PDE12: variants seen among roughly 807,000 people sequenced by gnomAD.
The protein encoded by PDE12 is 2',5'-phosphodiesterase 12.
In PDE12, 26 loss-of-function variants were observed where a neutral mutation model predicts 45.4. That is an observed-to-expected ratio of 0.57 (90% CI 0.42 to 0.79). PDE12 has a LOEUF of 0.79. PDE12 is among the 30% of genes least tolerant of loss of function. The pLI is 0.00. For synonymous variants in PDE12, 283 were observed against 323.9 expected (o/e 0.87, Z 1.36); for missense variants, 668 against 790.0 (o/e 0.85, Z 1.85).
At chr3:57,596,054 G>A in the PDE12 span, among the ~76,000 whole-genome samples, 1 of 152,106 alleles carries the variant, frequency 6.6e-6, no homozygotes, top group Admixed American at 6.6e-5. Flanking sequence ...TTCTTTCAGC[G>A]TTATTCTAGT....
At chr3:57,649,497 CTACTGGGTAT>C in the PDE12 span, among the ~76,000 whole-genome samples, 2 of 147,586 alleles carry the variant, frequency 1.4e-5, no homozygotes, top group South Asian at 4.3e-4. Flanking sequence ...AGCAATCCCA[CTACTGGGTAT>C]CTACCCAGAG....
At chr3:57,645,643 G>C in the PDE12 span, 1 of 1,573,412 alleles carries the variant, frequency 6.4e-7, no homozygotes, top group Non-Finnish European at 8.7e-7. Context: ...CTGGTCAATA[G>C]AAGTTATTTT....
At chr3:57,589,945 G>A in the PDE12 span, among the ~76,000 whole-genome samples, 3 of 148,160 alleles carry the variant, frequency 2.0e-5, no homozygotes, top group Admixed American at 1.4e-4. Context: ...ACAAAAATTA[G>A]CCAGGCATGG....
chr3:57,578,892 G>C, the PDE12 span, among the ~76,000 whole-genome samples: 13 of 113,602 alleles, frequency 1.1e-4, no homozygotes, highest in South Asian at 3.3e-4. Flanking sequence ...GCTAGAAAAG[G>C]GGGGGGGCAA....
the PDE12 span, chr3:57,584,320 C>A: frequency 7.5e-7 from 1 of 1,326,164 alleles, no homozygotes; most frequent in Non-Finnish European, 1.1e-6. Context: ...AATCTCAAAA[C>A]TAGACTGTAT....
chr3:57,642,095 A>G, the PDE12 span, among the ~76,000 whole-genome samples: 1 of 152,050 alleles, frequency 6.6e-6, no homozygotes, highest in African/African-American at 2.4e-5. Context: ...CGGGCAGATC[A>G]CGAGGTTAGG....
chr3:57,575,490 C>T, the PDE12 span: 3 of 1,504,976 alleles, frequency 2.0e-6, no homozygotes, highest in Admixed American at 4.3e-5. Flanking sequence ...TTAGCTTACA[C>T]AACTATCCTA....
chr3:57,641,727 A>T, the PDE12 span: 1 of 1,613,354 alleles, frequency 6.2e-7, no homozygotes, highest in South Asian at 1.1e-5. Flanking sequence ...AGGGTTGGTT[A>T]CTCCTAATAT....
chr3:57,585,021 G>A, the PDE12 span, among the ~76,000 whole-genome samples: 20,404 of 151,822 alleles, frequency 0.13, 1,455 homozygotes, highest in South Asian at 0.21. Flanking sequence ...CCACCACCAC[G>A]CCCGGCTAAT....
chr3:57,644,817 AGG>A, the PDE12 span, among the ~76,000 whole-genome samples: 1 of 34,662 alleles, frequency 2.9e-5, no homozygotes, highest in African/African-American at 1.4e-4. Context: ...AGGGGAGGGG[AGG>A]GGGAAAGACA....
chr3:57,618,449 G>A, the PDE12 span, among the ~76,000 whole-genome samples: 2 of 151,856 alleles, frequency 1.3e-5, no homozygotes, highest in Non-Finnish European at 2.9e-5. Context: ...TTGAGACAGG[G>A]TCTCACTCTG....
chr3:57,560,112 T>C lies in PDE12; in HGVS notation c.*108T>C. The C allele has an allele frequency of 6.8e-7, 1 of 1,467,802 alleles. No individual in the cohort carries two copies. The highest frequency in any genetic ancestry group is 9.0e-7 in the Non-Finnish European group (1 of 1,117,306). 90.9% of individuals were successfully genotyped at this position (1,467,802 alleles called of 1,614,324 possible). On this transcript the variant is annotated 3_prime_UTR_variant, in exon 3 of 3. Transcript: ENST00000311180. ...AACTTCAAGGAGGAATGGTAAAATGTTCAGCCCTCCTAGTTATGTTCCTGA... is the reference window on the plus strand; with the variant it reads ...AACTTCAAGGAGGAATGGTAAAATGCTCAGCCCTCCTAGTTATGTTCCTGA...
At chr3:57,573,212 A>AG in the PDE12 span, among the ~76,000 whole-genome samples, 58 of 151,818 alleles carry the variant, frequency 3.8e-4, no homozygotes, top group Non-Finnish European at 5.5e-4. Flanking sequence ...AAAAAAAAAA[A>AG]AAAGAAAGAA....
chr3:57,571,981 G>A, the PDE12 span: 1 of 458,814 alleles, frequency 2.2e-6, no homozygotes, highest in Non-Finnish European at 3.9e-6. Context: ...CTTATGGGAA[G>A]TAAAATTAAA....
At position 57,565,500 on chromosome 3, in the gene PDE12, T is replaced by C. The variant is rs1212069381; in HGVS notation, c.*5496T>C. The C allele has an allele frequency of 6.6e-6, 1 of 152,200 alleles. No homozygotes were observed. The highest frequency in any genetic ancestry group is 1.5e-5 in the Non-Finnish European group (1 of 68,038). The allele number at this position is 152,200 out of a possible 1,614,324, so 9.4% of individuals were successfully genotyped here. On this transcript the variant is annotated 3_prime_UTR_variant, in exon 3 of 3. Transcript: ENST00000311180. Reference sequence around the variant, plus strand: ...CTCTCAGTTATTCTAAAATGTGATATACACACTTTTAAAAGGATTTATTGC... The same window carrying C: ...CTCTCAGTTATTCTAAAATGTGATACACACACTTTTAAAAGGATTTATTGC...
chr3:57,651,111 TA>T, the PDE12 span, among the ~76,000 whole-genome samples: 2 of 152,078 alleles, frequency 1.3e-5, no homozygotes, highest in East Asian at 3.9e-4. Flanking sequence ...ATTCAACCAT[TA>T]AAAAAATGAA....
chr3:57,583,837 T>C, the PDE12 span: 76 of 1,192,292 alleles, frequency 6.4e-5, no homozygotes, highest in Non-Finnish European at 8.4e-5. Context: ...TAGATACTAA[T>C]AAAAACTTTA....
At chr3:57,598,200 T>C in the PDE12 span, 1 of 152,112 alleles carries the variant, frequency 6.6e-6, no homozygotes, top group Non-Finnish European at 1.5e-5. Context: ...CCCGGCCTGC[T>C]ACACCTTTTA....
the PDE12 span, among the ~76,000 whole-genome samples, chr3:57,577,026 A>AG: frequency 1.3e-5 from 2 of 151,434 alleles, no homozygotes; most frequent in Non-Finnish European, 2.9e-5. Context: ...AGCCAGAGAT[A>AG]GGCATCAAGA....
Sources: gnomAD v4.1 joint callset for allele counts (sites outside exome capture counted in the v4.1 genomes callset) on GRCh38, gnomAD v4.1.1 for gene constraint, MANE v1.5 for transcripts, NCBI Gene and HGNC (gene_info 2026-07-23, HGNC 2026-07-21) for gene names.